Variants in SVOP observed in about 807,000 individuals in gnomAD.
The protein encoded by SVOP is synaptic vesicle 2-related protein.
In SVOP, 17 loss-of-function variants were observed where a neutral mutation model predicts 69.1. The ratio of observed to expected loss-of-function variants is 0.25; its 90% confidence interval spans 0.17 to 0.37. The LOEUF (loss-of-function observed/expected upper bound fraction) is 0.37. Ranked by LOEUF, SVOP falls within the 10% of genes least tolerant of loss-of-function variation. The pLI is 1.00. For synonymous variants in SVOP, 238 were observed against 238.6 expected, an observed-to-expected ratio of 1.00 and a Z score of 0.02; for missense variants, 435 against 597.5, an observed-to-expected ratio of 0.73 and a Z score of 2.84.
chr12:108,986,754 G>A (rs1360157666), intron 1 of SVOP, among the ~76,000 whole-genome samples: 2 of 149,954 alleles, frequency 1.3e-5, no homozygotes, highest in Admixed American at 6.8e-5. Flanking sequence ...TCACTCTGTC[G>A]CCAGTGCTCT....
intron 1 of SVOP, among the ~76,000 whole-genome samples, chr12:109,006,048 T>G (rs1593207793): frequency 7.1e-6 from 1 of 141,052 alleles, no homozygotes; most frequent in Non-Finnish European, 1.5e-5. Context: ...AGTGGGTTGT[T>G]TTGTTTTGTT....
At chr12:108,937,075 G>T in intron 10 of SVOP, 189 bp downstream of exon 10, 2 of 605,378 alleles carry the variant, frequency 3.3e-6, no homozygotes, top group Admixed American at 2.8e-5. Context: ...AGAAAAAGAT[G>T]AAGGAAATGA....
intron 6 of SVOP, among the ~76,000 whole-genome samples, chr12:108,945,584 T>C (rs143335883): frequency 0.021 from 3,176 of 151,824 alleles, 103 homozygotes; most frequent in African/African-American, 0.072. Flanking sequence ...TTTGTAGAGA[T>C]GTATGTGACC....
At chr12:108,989,272 A>G (rs1357427419) in intron 1 of SVOP, among the ~76,000 whole-genome samples, 1 of 152,160 alleles carries the variant, frequency 6.6e-6, no homozygotes, top group Non-Finnish European at 1.5e-5. Flanking sequence ...CAGGGGTCTC[A>G]TTATGTTGGT....
chr12:108,913,698 G>C (rs1368889308), intron 15 of SVOP, among the ~76,000 whole-genome samples: 1 of 152,152 alleles, frequency 6.6e-6, no homozygotes, highest in African/African-American at 2.4e-5. Flanking sequence ...CTCCAGGCTG[G>C]AGTGCAGTGG....
chr12:108,967,513 GAAAA>G (rs200820363), intron 5 of SVOP, among the ~76,000 whole-genome samples: 1 of 151,716 alleles, frequency 6.6e-6, no homozygotes, highest in Admixed American at 6.6e-5. Context: ...AAAAAAAAAG[GAAAA>G]AAAGAAAGAA....
At chr12:108,921,328 C>G (rs986936366) in intron 12 of SVOP, among the ~76,000 whole-genome samples, 1 of 152,190 alleles carries the variant, frequency 6.6e-6, no homozygotes, top group South Asian at 2.1e-4. Context: ...GGTCTTAGCG[C>G]TGCCTGCTGT....
intron 1 of SVOP, among the ~76,000 whole-genome samples, chr12:109,018,912 G>C (rs1344885257): frequency 6.6e-6 from 1 of 152,162 alleles, no homozygotes; most frequent in African/African-American, 2.4e-5. Flanking sequence ...ATTAAGTACT[G>C]TTATGATCCT....
chr12:108,962,098 T>C (rs2040021533), intron 5 of SVOP, among the ~76,000 whole-genome samples: 1 of 152,186 alleles, frequency 6.6e-6, no homozygotes, highest in African/African-American at 2.4e-5. Context: ...AACTTATTTC[T>C]TTCTTATTTA....
chr12:108,919,551 G>T, intron 13 of SVOP, 124 bp downstream of exon 13: 1 of 684,004 alleles, frequency 1.5e-6, no homozygotes. Context: ...CCACACTTGG[G>T]CCTGCACCTC....
At chr12:109,019,063 G>A (rs999173261) in intron 1 of SVOP, among the ~76,000 whole-genome samples, 16 of 152,100 alleles carry the variant, frequency 1.1e-4, no homozygotes, top group Middle Eastern at 3.4e-3. Flanking sequence ...TACACAATTT[G>A]GCCTAATAGA....
intron 6 of SVOP, among the ~76,000 whole-genome samples, chr12:108,958,782 G>T (rs2040000091): frequency 6.6e-6 from 1 of 152,056 alleles, no homozygotes; most frequent in Admixed American, 6.6e-5. Context: ...CTCCATCCTT[G>T]AGGGCAGCCC....
chr12:108,931,676 T>G (rs1260563602), intron 11 of SVOP, among the ~76,000 whole-genome samples: 1 of 151,704 alleles, frequency 6.6e-6, no homozygotes, highest in African/African-American at 2.4e-5. Flanking sequence ...TACTAAAAAA[T>G]ACAAAAAATT....
intron 1 of SVOP, among the ~76,000 whole-genome samples, chr12:108,998,241 C>T (rs535212860): frequency 1.3e-4 from 20 of 150,902 alleles, no homozygotes; most frequent in South Asian, 2.1e-4. Context: ...TGAAATGAAG[C>T]GAGAAGGGAA....
chr12:109,006,372 T>C lies in SVOP; in HGVS notation c.35+14462A>G, dbSNP rs958086992. 6.6e-5 allele frequency among the ~76,000 whole-genome samples: 10 copies of C among 152,014 alleles called. No individual in the cohort carries two copies. In the East Asian group the frequency reaches 1.5e-3, roughly 24 times the overall value. On this transcript the variant is annotated intron_variant, in intron 1 of 15. Coordinates refer to ENST00000610966, the MANE Select transcript of SVOP (RefSeq NM_018711.5). ...CACCCCAGAAAGCGTTTCTTAAATA[T>C]AGGTTTTAATATTATTTAGGTATGG...
At chr12:108,981,308 G>A (rs974759106) in intron 2 of SVOP, among the ~76,000 whole-genome samples, 4 of 152,190 alleles carry the variant, frequency 2.6e-5, no homozygotes, top group African/African-American at 9.6e-5. Context: ...GTGTTTCACA[G>A]AGTTGGGAGT....
chr12:108,938,475 T>C (rs886216748), intron 9 of SVOP, among the ~76,000 whole-genome samples: 5 of 152,242 alleles, frequency 3.3e-5, no homozygotes, highest in Admixed American at 2.6e-4. Flanking sequence ...ATTGCACAGC[T>C]TTTGCCAATC....
At chr12:108,992,441 T>A (rs891485630) in intron 1 of SVOP, among the ~76,000 whole-genome samples, 1 of 152,088 alleles carries the variant, frequency 6.6e-6, no homozygotes, top group Non-Finnish European at 1.5e-5. Flanking sequence ...CTCAGGAGGC[T>A]GAGGTGGGAG....
chr12:108,947,707 C>T (rs780935856), intron 6 of SVOP, among the ~76,000 whole-genome samples: 12 of 152,108 alleles, frequency 7.9e-5, no homozygotes, highest in Admixed American at 6.6e-4. Flanking sequence ...TAAACCAGGC[C>T]CTGCTCCCAC....
Sources: allele counts gnomAD v4.1 joint callset (sites outside exome capture counted in the v4.1 genomes callset), GRCh38; gene constraint gnomAD v4.1.1; transcripts MANE v1.5; gene names NCBI Gene and HGNC (gene_info 2026-07-23, HGNC 2026-07-21).